The following WWOX variants were observed in gnomAD, a reference collection of about 807,000 sequenced individuals.
WWOX encodes the protein WW domain-containing oxidoreductase.
WWOX carries 69 observed loss-of-function variants against 46.2 expected under a neutral mutation model. The observed-to-expected ratio is 1.49, with a 90% confidence interval of 1.23 to 1.82. WWOX has a LOEUF of 1.82. Among genes scored for constraint, WWOX ranks in the 40% most tolerant of loss-of-function variants. The probability of loss-of-function intolerance (pLI) is 0.00; values close to 1 mark genes in which losing one functional copy is unlikely to be tolerated. For missense variants in WWOX, 919 were observed against 542.6 expected, an observed-to-expected ratio of 1.69 and a Z score of -6.89; for synonymous variants, 359 against 202.6, an observed-to-expected ratio of 1.77 and a Z score of -6.56.
chr16:78,395,036 C>T lies in WWOX; in HGVS notation c.605+8088C>T, dbSNP rs142201580. Among the ~76,000 whole-genome samples, 5 of 152,364 alleles carry T rather than the reference C, an allele frequency of 3.3e-5. No homozygotes were observed. In the East Asian group the frequency reaches 7.7e-4, roughly 23 times the overall value. ...CCATAATGCATGAAATTACCAGACA[C>T]ATCTCACTTTATGGAGCCTGGGGCT... On this transcript the variant is annotated intron_variant, in intron 6 of 8. Coordinates refer to ENST00000566780, the MANE Select transcript of WWOX (RefSeq NM_016373.4).
At chr16:78,103,381 G>GC (rs778779832) in intron 1 of WWOX, among the ~76,000 whole-genome samples, 3 of 151,692 alleles carry the variant, frequency 2.0e-5, no homozygotes, top group Admixed American at 6.6e-5. Context: ...TAGTTGTTCA[G>GC]CCCCCCGTGC....
chr16:78,694,163 A>C (rs947313264), intron 8 of WWOX, among the ~76,000 whole-genome samples: 3 of 152,128 alleles, frequency 2.0e-5, no homozygotes, highest in Non-Finnish European at 4.4e-5. Context: ...CGGTGAGCTG[A>C]GATCGCACTA....
chr16:78,546,441 A>C (rs2044033667), intron 8 of WWOX, among the ~76,000 whole-genome samples: 1 of 152,218 alleles, frequency 6.6e-6, no homozygotes, highest in Non-Finnish European at 1.5e-5. Context: ...GAGATTGTTC[A>C]AAAGAATACT....
At chr16:78,476,230 A>C (rs1221919409) in intron 8 of WWOX, among the ~76,000 whole-genome samples, 4 of 152,170 alleles carry the variant, frequency 2.6e-5, no homozygotes, top group African/African-American at 7.2e-5. Context: ...GCCAGTGATG[A>C]TGAGCATTGT....
chr16:78,240,018 G>A (rs1018523460), intron 5 of WWOX, among the ~76,000 whole-genome samples: 2 of 152,084 alleles, frequency 1.3e-5, no homozygotes, highest in African/African-American at 2.4e-5. Context: ...CAGTGTAAGG[G>A]TAGTGGGTGG....
At chr16:78,565,088 G>T (rs1490561697) in intron 8 of WWOX, among the ~76,000 whole-genome samples, 2 of 152,200 alleles carry the variant, frequency 1.3e-5, no homozygotes, top group African/African-American at 2.4e-5. Flanking sequence ...AGGAACCTCA[G>T]TTTGTCCATT....
At position 78,507,993 on chromosome 16, in the gene WWOX, C is replaced by CGTGTGTGT. The variant is rs370434842; in HGVS notation, c.1056+75244_1056+75245insTGTGTGTG. Among the ~76,000 whole-genome samples the CGTGTGTGT allele has an allele frequency of 9.6e-3, 1,398 of 145,534 alleles. 15 individuals carry two copies. The highest frequency in any genetic ancestry group is 0.011 in the African/African-American group (435 of 39,004). The stretch of plus-strand genomic sequence containing the variant: ...TGTGGTGTTTTTTGATTTTTGGTTG[C>CGTGTGTGT]GTGCGTGTGTGTGTGTGTGTGTGTG... On this transcript the variant is annotated intron_variant, in intron 8 of 8. Coordinates refer to ENST00000566780, the MANE Select transcript of WWOX (RefSeq NM_016373.4).
chr16:78,760,600 C>A (rs958215301), intron 8 of WWOX, among the ~76,000 whole-genome samples: 1 of 152,172 alleles, frequency 6.6e-6, no homozygotes, highest in African/African-American at 2.4e-5. Context: ...GTCTGTGTCT[C>A]CCCTCCAAGA....
chr16:78,710,647 C>A (rs934885382), intron 8 of WWOX, among the ~76,000 whole-genome samples: 11 of 149,942 alleles, frequency 7.3e-5, no homozygotes, highest in African/African-American at 2.5e-4. Context: ...CAGGGTCTTG[C>A]TCTGTCACTC....
intron 5 of WWOX, among the ~76,000 whole-genome samples, chr16:78,365,925 A>G (rs1332449169): frequency 6.6e-6 from 1 of 152,186 alleles, no homozygotes; most frequent in African/African-American, 2.4e-5. Context: ...TCTGAAGTAT[A>G]AATGCATATG....
At chr16:78,619,330 C>G (rs1426180930) in intron 8 of WWOX, among the ~76,000 whole-genome samples, 8 of 127,146 alleles carry the variant, frequency 6.3e-5, no homozygotes, top group Non-Finnish European at 1.3e-4. Flanking sequence ...CCACTGCACT[C>G]CAGCCTGGGC....
At chr16:78,877,362 A>C (rs1334558876) in intron 8 of WWOX, among the ~76,000 whole-genome samples, 1 of 150,646 alleles carries the variant, frequency 6.6e-6, no homozygotes, top group African/African-American at 2.5e-5. Context: ...TTCCTCAGAC[A>C]TGCCAGGTGT....
chr16:78,526,606 C>T (rs879407440), intron 8 of WWOX: 6 of 152,174 alleles, frequency 3.9e-5, no homozygotes, highest in Non-Finnish European at 8.8e-5. Context: ...AGGACACATT[C>T]TTGTCCTAGA....
At chr16:78,180,922 A>G (rs1187826550) in intron 5 of WWOX, among the ~76,000 whole-genome samples, 1 of 152,188 alleles carries the variant, frequency 6.6e-6, no homozygotes, top group African/African-American at 2.4e-5. Flanking sequence ...TAAAGGCTTT[A>G]AAAATTAAAA....
intron 8 of WWOX, among the ~76,000 whole-genome samples, chr16:78,504,426 C>T (rs372359000): frequency 1.6e-4 from 25 of 152,296 alleles, no homozygotes; most frequent in Non-Finnish European, 3.1e-4. Flanking sequence ...TCTCAGAATG[C>T]GTTTGTCTAT....
intron 8 of WWOX, among the ~76,000 whole-genome samples, chr16:78,976,903 C>G (rs2046583740): frequency 6.6e-6 from 1 of 152,140 alleles, no homozygotes; most frequent in Non-Finnish European, 1.5e-5. Flanking sequence ...CCTCCCATGC[C>G]CTTTTCTTTT....
chr16:78,551,390 C>A (rs1167413523), intron 8 of WWOX: 1 of 152,068 alleles, frequency 6.6e-6, no homozygotes, highest in South Asian at 2.1e-4. Flanking sequence ...AAATTTTTAA[C>A]CTTTACATTG....
chr16:78,471,584 G>A (rs2084222364), intron 8 of WWOX, among the ~76,000 whole-genome samples: 2 of 152,180 alleles, frequency 1.3e-5, no homozygotes, highest in African/African-American at 4.8e-5. Context: ...ATAGTTGAAT[G>A]TCTTGCCTTT....
At chr16:78,398,081 C>T (rs531160441) in intron 6 of WWOX, among the ~76,000 whole-genome samples, 2 of 152,178 alleles carry the variant, frequency 1.3e-5, no homozygotes, top group Non-Finnish European at 2.9e-5. Flanking sequence ...CAAATTGATG[C>T]TTATCAAGTA....
Sources: allele counts gnomAD v4.1 joint callset (sites outside exome capture counted in the v4.1 genomes callset), GRCh38; gene constraint gnomAD v4.1.1; transcripts MANE v1.5; gene names NCBI Gene and HGNC (gene_info 2026-07-23, HGNC 2026-07-21).